Variants in GPALPP1 observed in about 807,000 individuals in gnomAD.
GPALPP1 encodes the protein GPALPP motifs-containing protein 1.
A neutral mutation model predicts 38.9 loss-of-function variants in GPALPP1; 30 were observed. The observed-to-expected ratio is 0.77, with a 90% CI of 0.58 to 1.05. GPALPP1 has a LOEUF of 1.05. GPALPP1 is among the 50% of genes least tolerant of loss of function. The pLI is 0.00. For missense variants in GPALPP1, 384 were observed against 408.8 expected, an observed-to-expected ratio of 0.94 and a Z score of 0.52; for synonymous variants, 120 against 139.2, an observed-to-expected ratio of 0.86 and a Z score of 0.97.
At chr13:45,007,506 T>C (rs1874183402) in intron 3 of GPALPP1, among the ~76,000 whole-genome samples, 1 of 152,220 alleles carries the variant, frequency 6.6e-6, no homozygotes, top group Non-Finnish European at 1.5e-5. Context: ...TGCTAAAAAT[T>C]GTACTCAGAA....
chr13:45,004,154 G>A, intron 1 of GPALPP1, 151 bp from the exon 2 acceptor site: 1 of 625,226 alleles, frequency 1.6e-6, no homozygotes, highest in Non-Finnish European at 2.8e-6. Flanking sequence ...CAAAACCACT[G>A]TACACAAACA....
chr13:45,015,008 A>G lies in GPALPP1; in HGVS notation c.465A>G (p.Pro155=). The G allele has an allele frequency of 6.2e-7, 1 of 1,606,434 alleles. No individual in the cohort carries two copies. Among genetic ancestry groups the G allele is most frequent in the Non-Finnish European group, 8.5e-7 (1 of 1,173,622 alleles). ...DIIGPMPAKG[P]VNYNVTTEFE... ...TTGGACCAATGCCTGCAAAAGGACC[A>G]GTTAACTATAATGTAACGACAGAGT... The change falls in exon 5 of 8, where the codon CCA becomes CCG. Residue 155 remains proline, a synonymous_variant. Coordinates refer to ENST00000379151, the MANE Select transcript of GPALPP1 (RefSeq NM_018559.5).
At chr13:44,989,865 C>G (rs556652188) in intron 1 of GPALPP1, 123 bp downstream of exon 1, 16 of 677,542 alleles carry the variant, frequency 2.4e-5, no homozygotes, top group Non-Finnish European at 3.5e-5. Flanking sequence ...GCGGCCTGAC[C>G]CGAGAGAACT....
chr13:45,034,793 A>T (rs1380015648), downstream of GPALPP1: 22 of 141,150 alleles, frequency 1.6e-4, no homozygotes, highest in Admixed American at 7.3e-5. Flanking sequence ...CTGGAGTGTA[A>T]TGGCGCAATC....
At position 45,027,813 on chromosome 13, in the gene GPALPP1, A is replaced by C. The variant is rs1335349985; in HGVS notation, c.833A>C (p.Asp278Ala). The C allele has an allele frequency of 3.8e-6, 6 of 1,576,160 alleles. 1 individual carries two copies. Among genetic ancestry groups the C allele is most frequent in the Middle Eastern group, 1.7e-4 (1 of 5,920 alleles). The change falls in exon 8 of 8, where the codon GAC (aspartate) becomes GCC (alanine). Residue 278 changes from aspartate (D) to alanine (A), a missense_variant. Physicochemically the swap from Asp to Ala is moderately radical, Grantham distance 126. Coordinates refer to ENST00000379151, the MANE Select transcript of GPALPP1 (RefSeq NM_018559.5). The part of the protein sequence containing the change: ...NESKRSESLM[D>A]IHHKKLKSKA... ...TCAAAAAGATCAGAATCTCTTATGG[A>C]CATACATCATAAAAAGTTAAAGAGT...
intron 1 of GPALPP1, among the ~76,000 whole-genome samples, chr13:44,993,394 G>A (rs1872985198): frequency 6.6e-6 from 1 of 152,172 alleles, no homozygotes; most frequent in Admixed American, 6.6e-5. Flanking sequence ...CCAGCACTTT[G>A]GGAGACCGAG....
chr13:45,006,680 A>G (rs953937429), intron 3 of GPALPP1, among the ~76,000 whole-genome samples: 1 of 152,164 alleles, frequency 6.6e-6, no homozygotes, highest in Admixed American at 6.5e-5. Flanking sequence ...TTATTTATCA[A>G]TAGAAGAAAC....
chr13:45,019,879 ATT>A (rs34893767), intron 6 of GPALPP1, among the ~76,000 whole-genome samples: 2 of 85,568 alleles, frequency 2.3e-5, no homozygotes, highest in African/African-American at 4.8e-5. Context: ...TAATATTTTG[ATT>A]TTTTTTTTTT....
Position 45,028,212 on chromosome 13 carries a change from A to C in GPALPP1, c.*209A>C, listed in dbSNP as rs73181535. The C allele has an allele frequency of 2.7e-4, 81 of 305,258 alleles. No individual in the cohort carries two copies. The highest frequency in any genetic ancestry group is 3.6e-4 in the Non-Finnish European group (61 of 169,546). 18.9% of individuals were successfully genotyped at this position (305,258 alleles called of 1,614,324 possible). On this transcript the variant is annotated 3_prime_UTR_variant, in exon 8 of 8. Transcript: ENST00000379151. The stretch of plus-strand genomic sequence containing the variant: ...CTGGAAAAATCCCTCATAATAACCT[A>C]ATAGGGCATTGCTATTAAAAATGCT...
At chr13:45,007,269 C>G (rs1346137287) in intron 3 of GPALPP1, among the ~76,000 whole-genome samples, 1 of 152,086 alleles carries the variant, frequency 6.6e-6, no homozygotes, top group East Asian at 1.9e-4. Flanking sequence ...AAACATATTA[C>G]TTAAATGTAT....
At chr13:45,013,451 TTG>T (rs1456487792) in intron 4 of GPALPP1, among the ~76,000 whole-genome samples, 4 of 152,228 alleles carry the variant, frequency 2.6e-5, no homozygotes, top group Non-Finnish European at 5.9e-5. Flanking sequence ...TTCACAAAAA[TTG>T]TGTCATGTCC....
intron 1 of GPALPP1, among the ~76,000 whole-genome samples, chr13:44,991,318 GTA>G (rs1448765638): frequency 3.3e-5 from 5 of 151,554 alleles, no homozygotes; most frequent in East Asian, 1.9e-4. Flanking sequence ...ATGGTGGCAC[GTA>G]CCTGTAGTCC....
At chr13:45,007,689 A>G (rs1874195372) in intron 3 of GPALPP1, among the ~76,000 whole-genome samples, 1 of 152,162 alleles carries the variant, frequency 6.6e-6, no homozygotes. Context: ...GACTGTCAGT[A>G]CTGTTATTTC....
rs1875975297 is a variant in GPALPP1 at position 45,028,104 on chromosome 13, A to G, written c.*101A>G. On this transcript the variant is annotated 3_prime_UTR_variant, in exon 8 of 8. Coordinates refer to ENST00000379151, the MANE Select transcript of GPALPP1 (RefSeq NM_018559.5). ...ATTGTGCTGAAATCTATTTCCTTTT[A>G]TAATAGATTAAAAATTTTATATTTT... 3.7e-6 allele frequency: 2 copies of G among 543,850 alleles called. No homozygotes were observed. Among genetic ancestry groups the G allele is most frequent in the Admixed American group, 3.4e-5 (1 of 29,028 alleles). 33.7% of individuals were successfully genotyped at this position (543,850 alleles called of 1,614,324 possible). A position where few individuals can be genotyped will look rare whatever the true frequency, so the allele number is the denominator to read the frequency against.
chr13:45,007,119 TTTGCATTTTTGA>T (rs1452890822), intron 3 of GPALPP1, among the ~76,000 whole-genome samples: 1 of 152,086 alleles, frequency 6.6e-6, no homozygotes, highest in Non-Finnish European at 1.5e-5. Context: ...AAAAATGATT[TTTGCATTTTTGA>T]GAGTAGCTGA....
intron 7 of GPALPP1, among the ~76,000 whole-genome samples, chr13:45,021,430 C>T (rs1292864619): frequency 6.6e-6 from 1 of 152,150 alleles, no homozygotes; most frequent in Non-Finnish European, 1.5e-5. Flanking sequence ...GAAGGAATTA[C>T]TATCATTCAA....
intron 6 of GPALPP1, among the ~76,000 whole-genome samples, chr13:45,018,049 A>G (rs918444697): frequency 6.6e-6 from 1 of 152,126 alleles, no homozygotes; most frequent in Non-Finnish European, 1.5e-5. Flanking sequence ...ATTTTCCAGC[A>G]TACCTCTCAT....
At chr13:45,020,449 T>C (rs7331627) in intron 7 of GPALPP1, 21 bp downstream of exon 7, 48,440 of 974,904 alleles carry the variant, frequency 0.05, 2,243 homozygotes, top group African/African-American at 0.17. Flanking sequence ...AAATAAGATA[T>C]ATAGAGCCAG....
At chr13:45,024,262 CTGTGTGTGTGTGTGTGTGTG>C (rs34572145) in intron 7 of GPALPP1, among the ~76,000 whole-genome samples, 12 of 24,258 alleles carry the variant, frequency 4.9e-4, no homozygotes, top group African/African-American at 1.7e-3. Context: ...CCCTAAAACT[CTGTGTGTGTGTGTGTGTGTG>C]TGTGTGTGTG....
Sources: gnomAD v4.1 joint callset for allele counts (sites outside exome capture counted in the v4.1 genomes callset) on GRCh38, gnomAD v4.1.1 for gene constraint, MANE v1.5 for transcripts, NCBI Gene and HGNC (gene_info 2026-07-23, HGNC 2026-07-21) for gene names.